The following SCN9A variants were observed in gnomAD, a reference collection of about 807,000 sequenced individuals.
The protein encoded by SCN9A is sodium channel protein type 9 subunit alpha.
Under a neutral mutation model 187.0 loss-of-function variants are expected in SCN9A, and 131 were observed. The ratio of observed to expected loss-of-function variants is 0.70; its 90% CI spans 0.61 to 0.81. The LOEUF (loss-of-function observed/expected upper bound fraction) is 0.81, where lower values mean the gene tolerates loss of function less well. SCN9A is among the 30% of genes least tolerant of loss of function. SCN9A has a pLI of 0.00. For missense variants in SCN9A, 2,252 were observed against 2,396.6 expected, an observed-to-expected ratio of 0.94 and a Z score of 1.26; for synonymous variants, 809 against 808.6, an observed-to-expected ratio of 1.00 and a Z score of -0.01.
chr2:166,292,140 T>C (rs1017252744), intron 9 of SCN9A, among the ~76,000 whole-genome samples: 8 of 152,080 alleles, frequency 5.3e-5, no homozygotes, highest in Non-Finnish European at 7.4e-5. Context: ...AGGCAAACTA[T>C]AGAATGGGAG....
At chr2:166,347,148 TG>T (rs1349307917) in intron 1 of SCN9A, among the ~76,000 whole-genome samples, 4 of 152,204 alleles carry the variant, frequency 2.6e-5, no homozygotes, top group African/African-American at 7.2e-5. Flanking sequence ...AGAGTAAATT[TG>T]AGAGTCTGTC....
chr2:166,258,611 A>G (rs1361972347), intron 17 of SCN9A, among the ~76,000 whole-genome samples: 1 of 151,648 alleles, frequency 6.6e-6, no homozygotes, highest in East Asian at 1.9e-4. Context: ...CAAAGTTTAT[A>G]CTAGAAGCAG....
intron 24 of SCN9A, among the ~76,000 whole-genome samples, chr2:166,210,530 A>G (rs1169007465): frequency 6.6e-6 from 1 of 151,148 alleles, no homozygotes; most frequent in Non-Finnish European, 1.5e-5. Flanking sequence ...AAAAAAAAAA[A>G]AAAAGGTAGA....
chr2:166,213,523 A>G (rs1694189205), intron 24 of SCN9A, among the ~76,000 whole-genome samples: 1 of 149,978 alleles, frequency 6.7e-6, no homozygotes, highest in African/African-American at 2.4e-5. Context: ...CCAAAAAAGA[A>G]ATGTACAGGA....
At chr2:166,224,071 A>G (rs1402185404) in intron 24 of SCN9A, among the ~76,000 whole-genome samples, 2 of 152,174 alleles carry the variant, frequency 1.3e-5, no homozygotes, top group African/African-American at 4.8e-5. Flanking sequence ...TACTTCCTGC[A>G]GTAGAAATGT....
rs202050216 is a variant in SCN9A, at chr2:166,228,755, C to T, written c.4142G>A (p.Arg1381Gln). ...AAAGTTCACTTTCAGGTTTTTCCAT[C>T]GCACATTTTGACTAACATTCATAAG... is the stretch of plus-strand genomic sequence containing the variant. ...FALMNVSQNV[R>Q]WKNLKVNFDN... Residue 1381 changes from arginine to glutamine, a missense_variant, in exon 22 of 27, where the codon CGA becomes CAA. Coordinates refer to ENST00000642356, the MANE Select transcript of SCN9A (RefSeq NM_001365536.1). 143 of 1,613,770 alleles carry T rather than the reference C, an allele frequency of 8.9e-5. No homozygotes were observed. Among genetic ancestry groups the T allele is most frequent in the Non-Finnish European group, 1.2e-4 (136 of 1,179,850 alleles).
chr2:166,278,207 G>T lies in SCN9A; in HGVS notation c.2450C>A (p.Thr817Asn). 1 of 1,613,048 alleles carries T rather than the reference G, an allele frequency of 6.2e-7. No homozygotes were observed. Residue 817 changes from threonine to asparagine, a missense_variant, in exon 15 of 27, where the codon ACT (threonine) becomes AAT (asparagine). Coordinates refer to ENST00000642356, the MANE Select transcript of SCN9A (RefSeq NM_001365536.1). ...TAGAAAGAGCTCCACTAAACTTAAAGTCACAATAAGGCTGTCAAAAATATT... is the reference window on the plus strand; with the variant it reads ...TAGAAAGAGCTCCACTAAACTTAAATTCACAATAAGGCTGTCAAAAATATT... ...GWNIFDSLIV[T>N]LSLVELFLAD...
At chr2:166,294,021 T>C (rs547231551) in intron 8 of SCN9A, among the ~76,000 whole-genome samples, 1 of 152,288 alleles carries the variant, frequency 6.6e-6, no homozygotes, top group South Asian at 2.1e-4. Context: ...AATAGATGTC[T>C]GCATAGGGGG....
chr2:166,196,703 C>CTAT lies in SCN9A; in HGVS notation c.*1966_*1968dup, dbSNP rs1693256298. 1 of 151,878 alleles carries CTAT rather than the reference C, an allele frequency of 6.6e-6. No individual in the cohort carries two copies. Among genetic ancestry groups the CTAT allele is most frequent in the Admixed American group, 6.6e-5 (1 of 15,224 alleles). The allele number at this position is 151,878 out of a possible 1,614,324, so 9.4% of individuals were successfully genotyped here. On this transcript the variant is annotated 3_prime_UTR_variant, in exon 27 of 27. Transcript: ENST00000642356. ...AGGTCCCTACTTAAATTATCAAAAC[C>CTAT]TATTTCCAACAGGCTTGGTAGGTAT...
intron 1 of SCN9A, among the ~76,000 whole-genome samples, chr2:166,349,308 T>A (rs749881351): frequency 5.9e-5 from 9 of 152,160 alleles, no homozygotes; most frequent in Non-Finnish European, 1.0e-4. Context: ...CTCTATTCCT[T>A]ACTTTAAAAA....
intron 1 of SCN9A, among the ~76,000 whole-genome samples, chr2:166,357,816 C>T (rs549168229): frequency 6.6e-6 from 1 of 152,194 alleles, no homozygotes; most frequent in East Asian, 1.9e-4. Flanking sequence ...TGCTCACTTT[C>T]CCATTTCTTG....
intron 2 of SCN9A, among the ~76,000 whole-genome samples, chr2:166,308,445 C>T (rs993358750): frequency 5.3e-5 from 8 of 152,060 alleles, no homozygotes; most frequent in Admixed American, 1.3e-4. Context: ...TTTAAAAGTG[C>T]GGCATTTCCC....
intron 1 of SCN9A, among the ~76,000 whole-genome samples, chr2:166,349,164 C>T (rs1559055882): frequency 6.6e-6 from 1 of 151,686 alleles, no homozygotes; most frequent in Non-Finnish European, 1.5e-5. Flanking sequence ...CAAAAAACTC[C>T]TCTCATCATG....
chr2:166,268,845 A>G (rs1251880803), intron 17 of SCN9A, among the ~76,000 whole-genome samples: 1 of 151,938 alleles, frequency 6.6e-6, no homozygotes, highest in Non-Finnish European at 1.5e-5. Flanking sequence ...AAGAAGGGTA[A>G]ACTTTCAAAG....
chr2:166,325,368 G>C (rs1012172988), intron 1 of SCN9A, among the ~76,000 whole-genome samples: 7 of 152,046 alleles, frequency 4.6e-5, no homozygotes, highest in Non-Finnish European at 8.8e-5. Flanking sequence ...AGATCCATTA[G>C]AAATGCTGAT....
intron 3 of SCN9A, 67 bp from the exon 4 acceptor site, chr2:166,306,666 T>C: frequency 2.7e-6 from 3 of 1,112,548 alleles, no homozygotes; most frequent in East Asian, 2.6e-5. Flanking sequence ...ATGACACTTG[T>C]TGAAATGCTT....
At position 166,197,174 on chromosome 2, in the gene SCN9A, A is replaced by T. The variant is rs1693270125; in HGVS notation, c.*1498T>A. ...AACTACATTCTACCTGTGTAGCTCA[A>T]TTTTTGCCTGTGCATGAATAACTTT... On this transcript the variant is annotated 3_prime_UTR_variant, in exon 27 of 27. Coordinates refer to ENST00000642356, the MANE Select transcript of SCN9A (RefSeq NM_001365536.1). 6.6e-6 allele frequency: 1 copy of T among 152,084 alleles called. No homozygotes were observed. Among genetic ancestry groups the T allele is most frequent in the Non-Finnish European group, 1.5e-5 (1 of 67,962 alleles). The allele number at this position is 152,084 out of a possible 1,614,324, so 9.4% of individuals were successfully genotyped here. A position where few individuals can be genotyped will look rare whatever the true frequency, so the allele number is the denominator to read the frequency against.
At chr2:166,309,843 T>A (rs1698883714) in intron 2 of SCN9A, among the ~76,000 whole-genome samples, 1 of 149,666 alleles carries the variant, frequency 6.7e-6, no homozygotes, top group Admixed American at 6.7e-5. Context: ...CTACCTGACT[T>A]CAAACTACAC....
chr2:166,323,569 A>G (rs1471804453), intron 1 of SCN9A, among the ~76,000 whole-genome samples: 1 of 152,130 alleles, frequency 6.6e-6, no homozygotes, highest in Non-Finnish European at 1.5e-5. Context: ...AAAAGGAAAA[A>G]ATGTGAGTTG....
Sources: allele counts gnomAD v4.1 joint callset (sites outside exome capture counted in the v4.1 genomes callset), GRCh38; gene constraint gnomAD v4.1.1; transcripts MANE v1.5; gene names NCBI Gene and HGNC (gene_info 2026-07-23, HGNC 2026-07-21).